C11orf54: variants seen among roughly 807,000 people sequenced by gnomAD.
C11orf54 encodes the protein beta-keto L-gulonate decarboxylase.
Under a neutral mutation model 35.5 loss-of-function variants are expected in C11orf54, and 29 were observed. That is an observed-to-expected ratio of 0.82 (90% CI 0.61 to 1.11). C11orf54 has a LOEUF of 1.11. C11orf54 is among the 50% of genes most tolerant of loss of function. The pLI, the probability that C11orf54 is intolerant of heterozygous loss-of-function variation, is 0.00. For missense variants in C11orf54, 373 were observed against 369.2 expected (o/e 1.01, Z -0.08); for synonymous variants, 108 against 121.1 (o/e 0.89, Z 0.71).
At position 93,757,420 on chromosome 11, in the gene C11orf54, A is replaced by G. The variant is rs1471094209; in HGVS notation, c.612A>G (p.Gly204=). ...ATGGAAATAAGCCTATAGGAATGGG[A>G]GGTACTTTCATAATTCAGAAGGGAA... ...KHYGNKPIGM[G]GTFIIQKGKV... is the part of the protein sequence containing the mutation. The change falls in exon 7 of 9, where the codon GGA becomes GGG. Residue 204 remains glycine, a synonymous_variant. Coordinates refer to ENST00000354421, the MANE Select transcript of C11orf54 (RefSeq NM_001286069.2). The G allele has an allele frequency of 1.3e-6, 2 of 1,598,276 alleles. No homozygotes were observed. The highest frequency in any genetic ancestry group is 3.3e-5 in the Admixed American group (2 of 60,002).
In C11orf54 at chr11:93,764,076, A is replaced by C. The variant is rs1481823366; in HGVS notation, c.*2388A>C. The C allele has an allele frequency of 6.6e-6, 1 of 152,242 alleles. No homozygotes were observed. Among genetic ancestry groups the C allele is most frequent in the African/African-American group, 2.4e-5 (1 of 41,412 alleles). The allele number at this position is 152,242 out of a possible 1,614,324, so 9.4% of individuals were successfully genotyped here. Reference sequence around the variant, plus strand: ...TCATCTTCCTGCCTCGGCCTCCCAAAGTGCTGGGATTACAGGCATGGGCCA... The same window carrying C: ...TCATCTTCCTGCCTCGGCCTCCCAACGTGCTGGGATTACAGGCATGGGCCA... On this transcript the variant is annotated 3_prime_UTR_variant, in exon 9 of 9. Transcript: ENST00000354421.
intron 3 of C11orf54, among the ~76,000 whole-genome samples, chr11:93,751,820 CTTT>C (rs35146074): frequency 1.0e-4 from 8 of 80,238 alleles, no homozygotes; most frequent in Non-Finnish European, 1.2e-4. Flanking sequence ...AATGGTTAAT[CTTT>C]TTTTTTTTTT....
At chr11:93,759,300 G>C (rs1591366603) in intron 7 of C11orf54, among the ~76,000 whole-genome samples, 1 of 152,200 alleles carries the variant, frequency 6.6e-6, no homozygotes, top group African/African-American at 2.4e-5. Context: ...ATACACCATG[G>C]AATACTATGC....
intron 1 of C11orf54, among the ~76,000 whole-genome samples, chr11:93,745,254 G>A (rs1942397044): frequency 1.3e-5 from 2 of 152,142 alleles, no homozygotes; most frequent in South Asian, 4.2e-4. Flanking sequence ...CAGGCTGGGG[G>A]ACGGTTAGGT....
intron 1 of C11orf54, chr11:93,746,018 T>C (rs1468683268): frequency 1.3e-5 from 2 of 152,156 alleles, no homozygotes; most frequent in Non-Finnish European, 2.9e-5. Context: ...TTATATATAT[T>C]TGGGAGATTA....
At chr11:93,761,381 C>T (rs1228262103) in intron 8 of C11orf54, 134 bp from the exon 9 acceptor site, 6 of 759,410 alleles carry the variant, frequency 7.9e-6, no homozygotes, top group Non-Finnish European at 1.2e-5. Context: ...CGTTTTGCCC[C>T]CTTTGAATTT....
intron 5 of C11orf54, 56 bp downstream of exon 5, chr11:93,754,093 T>C: frequency 4.0e-6 from 6 of 1,510,452 alleles, no homozygotes; most frequent in Non-Finnish European, 2.7e-6. Flanking sequence ...TGGTTTGTCT[T>C]TTTGCTTTTA....
chr11:93,759,811 A>C lies in C11orf54; in HGVS notation c.727A>C (p.Met243Leu), dbSNP rs1324556572. The C allele has an allele frequency of 6.2e-7, 1 of 1,611,020 alleles. No individual in the cohort carries two copies. The highest frequency in any genetic ancestry group is 8.5e-7 in the Non-Finnish European group (1 of 1,177,942). ...GAATAAATGGTTGCATTTTTATGAA[A>C]TGAAAGCTCCTTTGGTTTGTCTACC... ...EVNKWLHFYE[M>L]KAPLVCLPVF... is the part of the protein sequence containing the mutation. The change falls in exon 8 of 9, where the codon ATG becomes CTG. Residue 243 changes from methionine (M) to leucine (L), a missense_variant. Coordinates refer to ENST00000354421, the MANE Select transcript of C11orf54 (RefSeq NM_001286069.2).
At position 93,756,776 on chromosome 11, in the gene C11orf54, A is replaced by T. The variant is rs962221026; in HGVS notation, c.508-540A>T. Reference sequence around the variant, plus strand: ...TATTAGTACACAAAAATATGATTTCAGTGTTAGCTTTTGTGAAGACTCTCC... The same window carrying T: ...TATTAGTACACAAAAATATGATTTCTGTGTTAGCTTTTGTGAAGACTCTCC... On this transcript the variant is annotated intron_variant, in intron 6 of 8. Coordinates refer to ENST00000354421, the MANE Select transcript of C11orf54 (RefSeq NM_001286069.2). Among the ~76,000 whole-genome samples the T allele has an allele frequency of 6.6e-5, 10 of 152,172 alleles. 1 individual carries two copies. The highest frequency in any genetic ancestry group is 6.5e-4 in the Admixed American group (10 of 15,284).
At chr11:93,751,820 C>CTTTTTTTTTTTTTTTTTTTTTTT (rs35146074) in intron 3 of C11orf54, among the ~76,000 whole-genome samples, 1 of 80,228 alleles carries the variant, frequency 1.2e-5, no homozygotes. Context: ...AATGGTTAAT[C>CTTTTTTTTTTTTTTTTTTTTTTT]TTTTTTTTTT....
intron 2 of C11orf54, among the ~76,000 whole-genome samples, chr11:93,748,835 CAA>C (rs35878883): frequency 1.2e-3 from 163 of 138,028 alleles, no homozygotes; most frequent in Middle Eastern, 3.8e-3. Context: ...GACTCAGTCT[CAA>C]AAAAAAAAAA....
chr11:93,747,952 C>CA (rs1371434707), intron 2 of C11orf54, among the ~76,000 whole-genome samples: 1 of 151,814 alleles, frequency 6.6e-6, no homozygotes, highest in Admixed American at 6.6e-5. Context: ...GGAAGATAGT[C>CA]AAAAAAAGGA....
At chr11:93,743,336 G>C (rs940704066) in intron 1 of C11orf54, among the ~76,000 whole-genome samples, 3 of 152,166 alleles carry the variant, frequency 2.0e-5, no homozygotes, top group Admixed American at 1.3e-4. Flanking sequence ...TATAGAGACA[G>C]GGTCTTGCTC....
Position 93,750,445 on chromosome 11 carries a change from G to A in C11orf54, c.154+1G>A. 6.2e-7 allele frequency: 1 copy of A among 1,609,204 alleles called. No individual in the cohort carries two copies. Among genetic ancestry groups the A allele is most frequent in the South Asian group, 1.1e-5 (1 of 90,320 alleles). Reference sequence around the variant, plus strand: ...GAACCCTTTACCTTTCCTGTAAAAGGTAAGCAATTTTTGCAATTAGCTTTT... The same window carrying A: ...GAACCCTTTACCTTTCCTGTAAAAGATAAGCAATTTTTGCAATTAGCTTTT... On this transcript the variant is annotated splice_donor_variant, in intron 3 of 8. Transcript: ENST00000354421. LOFTEE classifies it high-confidence loss of function.
At position 93,753,790 on chromosome 11, in the gene C11orf54, T is replaced by G. The variant is rs767041502; in HGVS notation, c.228+35T>G. 4.4e-6 allele frequency: 7 copies of G among 1,601,096 alleles called. No homozygotes were observed. In the African/African-American group the frequency reaches 9.4e-5, roughly 22 times the overall value. Reference sequence around the variant, plus strand: ...TTTACTCTGCATATTCACATGAAGATTGTAGAAGTTGGGTTGATTACTGTG... The same window carrying G: ...TTTACTCTGCATATTCACATGAAGAGTGTAGAAGTTGGGTTGATTACTGTG... On this transcript the variant is annotated intron_variant, in intron 4 of 8. Transcript: ENST00000354421.
intron 2 of C11orf54, among the ~76,000 whole-genome samples, chr11:93,748,778 T>C (rs1042184450): frequency 2.0e-5 from 3 of 151,188 alleles, no homozygotes; most frequent in Admixed American, 2.0e-4. Flanking sequence ...AGAAGTTACG[T>C]TGAGCCAAGA....
chr11:93,759,952 T>C, intron 8 of C11orf54, 94 bp downstream of exon 8: 2 of 778,844 alleles, frequency 2.6e-6, no homozygotes, highest in South Asian at 4.8e-5. Flanking sequence ...TGTTTGTTGT[T>C]GTTGTTGTTT....
chr11:93,752,999 G>A (rs1219222034), intron 3 of C11orf54, among the ~76,000 whole-genome samples: 1 of 152,008 alleles, frequency 6.6e-6, no homozygotes, highest in Non-Finnish European at 1.5e-5. Flanking sequence ...TTTGTTTTTT[G>A]AGACAGAGTC....
At position 93,755,240 on chromosome 11, in the gene C11orf54, C is replaced by G; in HGVS notation, c.361C>G (p.His121Asp). Residue 121 changes from histidine (H) to aspartate (D), a missense_variant, in exon 6 of 9, where the codon CAC (histidine) becomes GAC (aspartate). Physicochemically the swap from His to Asp is moderately conservative, Grantham distance 81 (BLOSUM62 -1). Coordinates refer to ENST00000354421, the MANE Select transcript of C11orf54 (RefSeq NM_001286069.2). Reference sequence around the variant, plus strand: ...GCCAGTTATTCAGACAGAAAGTGAACACAAGCCTCCTGTAAATGGAAGTTA... The same window carrying G: ...GCCAGTTATTCAGACAGAAAGTGAAGACAAGCCTCCTGTAAATGGAAGTTA... ...FMPVIQTESE[H>D]KPPVNGSYFA... 1 of 1,614,054 alleles carries G rather than the reference C, an allele frequency of 6.2e-7. No individual in the cohort carries two copies. The highest frequency in any genetic ancestry group is 8.5e-7 in the Non-Finnish European group (1 of 1,179,976).
Sources: gnomAD v4.1 joint callset for allele counts (sites outside exome capture counted in the v4.1 genomes callset) on GRCh38, gnomAD v4.1.1 for gene constraint, MANE v1.5 for transcripts, NCBI Gene and HGNC (gene_info 2026-07-23, HGNC 2026-07-21) for gene names.